BRINP3: variants seen among roughly 807,000 people sequenced by gnomAD.
BRINP3 encodes the protein BMP/retinoic acid inducible neural specific 3.
A neutral mutation model predicts 71.0 loss-of-function variants in BRINP3; 19 were observed. The observed-to-expected ratio is 0.27, with a 90% confidence interval of 0.19 to 0.39. The LOEUF (loss-of-function observed/expected upper bound fraction) is 0.39. Among genes scored for constraint, BRINP3 ranks in the 10% least tolerant of loss-of-function variants. BRINP3 has a pLI of 1.00. For synonymous variants in BRINP3, 380 were observed against 337.7 expected (o/e 1.13, Z -1.37); for missense variants, 959 against 940.8 (o/e 1.02, Z -0.25).
At chr1:190,418,226 A>AT (rs1205299436) in intron 2 of BRINP3, among the ~76,000 whole-genome samples, 1 of 151,860 alleles carries the variant, frequency 6.6e-6, no homozygotes, top group East Asian at 1.9e-4. Flanking sequence ...TAATTTTCGT[A>AT]TTTTTTGTAG....
rs757085558 is a variant in BRINP3 at position 190,454,860 on chromosome 1, A to G, written c.31T>C (p.Leu11=). Residue 11 remains leucine, a synonymous_variant, in exon 2 of 8, where the codon TTG becomes CTG. Transcript: ENST00000367462. MIWRSRAGAE[L]FSLMALWEWI... is the part of the protein sequence containing the mutation. ...TCCCATAGAGCCATCAGAGAGAACA[A>G]TTCAGCACCAGCTCTGCTTCGCCAT... The G allele has an allele frequency of 5.6e-6, 9 of 1,614,058 alleles. 1 individual carries two copies. The Admixed American group carries it at 1.5e-4, about 27-fold the overall frequency.
intron 2 of BRINP3, among the ~76,000 whole-genome samples, chr1:190,300,283 A>G (rs1023153052): frequency 2.6e-5 from 4 of 151,358 alleles, no homozygotes; most frequent in African/African-American, 9.7e-5. Context: ...TACCCTTCTC[A>G]CTTCCTTTCA....
intron 4 of BRINP3, among the ~76,000 whole-genome samples, chr1:190,240,104 C>A (rs1658917107): frequency 6.6e-6 from 1 of 151,426 alleles, no homozygotes; most frequent in Non-Finnish European, 1.5e-5. Flanking sequence ...TGACTAGGAA[C>A]TAACAGGTTA....
intron 2 of BRINP3, among the ~76,000 whole-genome samples, chr1:190,370,441 A>T (rs1669785751): frequency 6.6e-6 from 1 of 152,168 alleles, no homozygotes; most frequent in African/African-American, 2.4e-5. Flanking sequence ...TTCTCAACAA[A>T]CCATTAAGTA....
intron 4 of BRINP3, among the ~76,000 whole-genome samples, chr1:190,259,758 G>C (rs1661011726): frequency 1.3e-5 from 2 of 152,006 alleles, no homozygotes; most frequent in Admixed American, 1.3e-4. Flanking sequence ...GGCCAGGCAT[G>C]GTGGCTCACA....
intron 4 of BRINP3, among the ~76,000 whole-genome samples, chr1:190,243,824 A>G (rs2102781501): frequency 6.6e-6 from 1 of 152,272 alleles, no homozygotes; most frequent in South Asian, 2.1e-4. Flanking sequence ...CTTTACATTC[A>G]AAAAGTGTAA....
At position 190,198,235 on chromosome 1, in the gene BRINP3, G is replaced by A. The variant is rs533161957; in HGVS notation, c.961+27847C>T. Among the ~76,000 whole-genome samples the A allele has an allele frequency of 7.9e-5, 12 of 152,262 alleles. No individual in the cohort carries two copies. The South Asian group carries it at 2.5e-3, about 32-fold the overall frequency. On this transcript the variant is annotated intron_variant, in intron 6 of 7. Coordinates refer to ENST00000367462, the MANE Select transcript of BRINP3 (RefSeq NM_199051.3). ...TCATTTTTTTCTCCTAGGCCTATAG[G>A]CCTGTGATAGGAGAGACTGCTGTGA...
At chr1:190,408,166 C>T (rs556528164) in intron 2 of BRINP3, among the ~76,000 whole-genome samples, 151 of 150,522 alleles carry the variant, frequency 1.0e-3, no homozygotes, top group Admixed American at 9.9e-3. Context: ...GGACTACAGG[C>T]GCCCGCCACC....
intron 2 of BRINP3, among the ~76,000 whole-genome samples, chr1:190,377,874 T>A (rs1012348408): frequency 4.6e-5 from 7 of 152,126 alleles, no homozygotes; most frequent in Admixed American, 4.6e-4. Context: ...TTAAATTTTT[T>A]AAATTTCTAA....
At chr1:190,211,225 C>T (rs1241544422) in intron 6 of BRINP3, among the ~76,000 whole-genome samples, 2 of 152,094 alleles carry the variant, frequency 1.3e-5, no homozygotes, top group Non-Finnish European at 2.9e-5. Context: ...GAGATCGTGC[C>T]ACTGCACTCC....
At chr1:190,192,364 T>C (rs1234678666) in intron 6 of BRINP3, among the ~76,000 whole-genome samples, 1 of 152,136 alleles carries the variant, frequency 6.6e-6, no homozygotes, top group South Asian at 2.1e-4. Context: ...ATTAGTGTAC[T>C]GAATCACTAA....
chr1:190,320,767 C>A (rs1666183906), intron 2 of BRINP3, among the ~76,000 whole-genome samples: 1 of 151,834 alleles, frequency 6.6e-6, no homozygotes. Context: ...TGGGAGGAAA[C>A]TGAATTACCT....
At chr1:190,170,324 C>A (rs1213710921) in intron 6 of BRINP3, among the ~76,000 whole-genome samples, 1 of 151,956 alleles carries the variant, frequency 6.6e-6, no homozygotes, top group Non-Finnish European at 1.5e-5. Context: ...AGGGTGAGAA[C>A]AATGTTTTAT....
At chr1:190,145,610 T>G (rs555534444) in intron 7 of BRINP3, among the ~76,000 whole-genome samples, 1 of 152,170 alleles carries the variant, frequency 6.6e-6, no homozygotes, top group South Asian at 2.1e-4. Context: ...TGGAAACCAG[T>G]ATGGAGATTC....
At chr1:190,285,246 C>T (rs1019587548) in intron 2 of BRINP3, among the ~76,000 whole-genome samples, 57 of 152,038 alleles carry the variant, frequency 3.7e-4, no homozygotes, top group African/African-American at 1.3e-3. Context: ...ATCGAAATTC[C>T]CAGTGTCCCT....
At chr1:190,277,111 A>T (rs865817267) in intron 3 of BRINP3, among the ~76,000 whole-genome samples, 1 of 123,914 alleles carries the variant, frequency 8.1e-6, no homozygotes, top group African/African-American at 2.8e-5. Flanking sequence ...ATATATATAT[A>T]TATATATTTA....
rs146120210 is a variant in BRINP3 at position 190,473,567 on chromosome 1, G to A, written c.-51+3881C>T. On this transcript the variant is annotated intron_variant, in intron 1 of 7. Coordinates refer to ENST00000367462, the MANE Select transcript of BRINP3 (RefSeq NM_199051.3). ...TTTTTTTTTTTTTTTGCTTCACTGT[G>A]TGGAAAGTCCAGGCTCCTTCAACAT... Among the ~76,000 whole-genome samples, 543 of 134,080 alleles carry A rather than the reference G, an allele frequency of 4.0e-3. 3 individuals are homozygous for A. The highest frequency in any genetic ancestry group is 0.014 in the African/African-American group (526 of 36,290). The allele number at this position is 134,080 out of a possible 152,430, so 88.0% of individuals were successfully genotyped here.
intron 2 of BRINP3, among the ~76,000 whole-genome samples, chr1:190,388,848 A>G (rs544891039): frequency 6.6e-6 from 1 of 151,998 alleles, no homozygotes; most frequent in Non-Finnish European, 1.5e-5. Context: ...GTGAATAATC[A>G]AAATCATGCA....
chr1:190,323,955 G>C (rs529393986), intron 2 of BRINP3, among the ~76,000 whole-genome samples: 1 of 151,790 alleles, frequency 6.6e-6, no homozygotes, highest in East Asian at 1.9e-4. Context: ...TATTGGAAAG[G>C]TATGCTTCTG....
Sources: gnomAD v4.1 joint callset for allele counts (sites outside exome capture counted in the v4.1 genomes callset) on GRCh38, gnomAD v4.1.1 for gene constraint, MANE v1.5 for transcripts, NCBI Gene and HGNC (gene_info 2026-07-23, HGNC 2026-07-21) for gene names.